The following SCAMP1 variants were observed in gnomAD, a reference collection of about 807,000 sequenced individuals.
SCAMP1 encodes the protein secretory carrier-associated membrane protein 1.
In SCAMP1, 15 loss-of-function variants were observed where a neutral mutation model predicts 41.8. The ratio of observed to expected loss-of-function variants is 0.36; its 90% confidence interval spans 0.24 to 0.55. SCAMP1 has a LOEUF of 0.55. SCAMP1 is among the 20% of genes least tolerant of loss of function. The probability of loss-of-function intolerance (pLI) is 0.86; values close to 1 mark genes in which losing one functional copy is unlikely to be tolerated. For missense variants in SCAMP1, 341 were observed against 412.6 expected (o/e 0.83, Z 1.50); for synonymous variants, 135 against 136.8 (o/e 0.99, Z 0.09).
At chr5:78,417,896 A>G (rs1048295163) in intron 4 of SCAMP1, among the ~76,000 whole-genome samples, 4 of 152,212 alleles carry the variant, frequency 2.6e-5, no homozygotes, top group Non-Finnish European at 5.9e-5. Flanking sequence ...CTTTCTATAA[A>G]AATTACCCTG....
Position 78,380,721 on chromosome 5 carries a change from T to C in SCAMP1, c.58-8116T>C, listed in dbSNP as rs376862681. The stretch of plus-strand genomic sequence containing the variant: ...ACAGAATATCACCAGGCATGTATGA[T>C]TAAGAAGAAAAAAAGATCACTGATC... On this transcript the variant is annotated intron_variant, in intron 1 of 8. Transcript: ENST00000621999. Among the ~76,000 whole-genome samples, 4 of 152,238 alleles carry C rather than the reference T, an allele frequency of 2.6e-5. No homozygotes were observed. The East Asian group carries it at 5.8e-4, about 22-fold the overall frequency.
At chr5:78,360,933 C>T (rs1363457548) in intron 1 of SCAMP1, 5 of 572,224 alleles carry the variant, frequency 8.7e-6, no homozygotes, top group African/African-American at 3.9e-5. Flanking sequence ...GGAACCTCCT[C>T]AGCTCGTGCC....
intron 8 of SCAMP1, among the ~76,000 whole-genome samples, chr5:78,460,079 A>T (rs368035973): frequency 2.0e-5 from 3 of 152,224 alleles, no homozygotes; most frequent in African/African-American, 7.2e-5. Flanking sequence ...GCTACGAAGG[A>T]CATAATTTCA....
chr5:78,436,504 T>C (rs568196571), intron 6 of SCAMP1, among the ~76,000 whole-genome samples: 2 of 152,356 alleles, frequency 1.3e-5, no homozygotes, highest in South Asian at 4.1e-4. Context: ...TTCTTGTTTT[T>C]GTCAGGTTTG....
At chr5:78,366,083 A>G (rs534262115) in intron 1 of SCAMP1, among the ~76,000 whole-genome samples, 7 of 151,242 alleles carry the variant, frequency 4.6e-5, no homozygotes, top group Admixed American at 2.0e-4. Flanking sequence ...CATTGATGGC[A>G]TCTTCTTTGT....
At chr5:78,409,422 T>TACACACACACACACAC (rs59969661) in intron 2 of SCAMP1, among the ~76,000 whole-genome samples, 1 of 148,802 alleles carries the variant, frequency 6.7e-6, no homozygotes, top group African/African-American at 2.5e-5. Flanking sequence ...CACATATAGA[T>TACACACACACACACAC]ACACACACAC....
At position 78,419,009 on chromosome 5, in the gene SCAMP1, T is replaced by C. The variant is rs1752274606; in HGVS notation, c.472+106T>C. ...ATAGCAAACCAGTCTTCTTTTTCTA[T>C]AGATAAAGCTTAATAATCATGATTT... is the stretch of plus-strand genomic sequence containing the variant. On this transcript the variant is annotated intron_variant, in intron 5 of 8. Coordinates refer to ENST00000621999, the MANE Select transcript of SCAMP1 (RefSeq NM_004866.6). 6 of 908,832 alleles carry C rather than the reference T, an allele frequency of 6.6e-6. No individual in the cohort carries two copies. The South Asian group carries it at 1.0e-4, about 15-fold the overall frequency. 56.3% of individuals were successfully genotyped at this position (908,832 alleles called of 1,614,324 possible).
chr5:78,413,828 C>T (rs1752142216), intron 2 of SCAMP1, among the ~76,000 whole-genome samples: 1 of 152,096 alleles, frequency 6.6e-6, no homozygotes, highest in African/African-American at 2.4e-5. Flanking sequence ...GAGTAAAATC[C>T]TGCTATATAT....
At chr5:78,435,289 G>C (rs1752720836) in intron 6 of SCAMP1, among the ~76,000 whole-genome samples, 1 of 152,118 alleles carries the variant, frequency 6.6e-6, no homozygotes, top group Admixed American at 6.6e-5. Context: ...ACAACGTGCA[G>C]GTTTGATACA....
rs571395851 is a variant in SCAMP1, at chr5:78,377,761, T to C, written c.58-11076T>C. Among the ~76,000 whole-genome samples the C allele has an allele frequency of 2.1e-4, 32 of 152,346 alleles. No homozygotes were observed. The South Asian group carries it at 6.2e-3, about 30-fold the overall frequency. On this transcript the variant is annotated intron_variant, in intron 1 of 8. Coordinates refer to ENST00000621999, the MANE Select transcript of SCAMP1 (RefSeq NM_004866.6). ...CTTAACTTACTGTTGGTGGTAATGA[T>C]GATAGCAGCCTCACCTGTCACTTAT...
intron 3 of SCAMP1, among the ~76,000 whole-genome samples, chr5:78,416,054 G>A (rs930874935): frequency 1.3e-5 from 2 of 152,124 alleles, no homozygotes; most frequent in African/African-American, 4.8e-5. Flanking sequence ...GAGTTATAAA[G>A]AATTTCTTAA....
At chr5:78,391,451 C>T (rs553007715) in intron 2 of SCAMP1, among the ~76,000 whole-genome samples, 3 of 150,544 alleles carry the variant, frequency 2.0e-5, no homozygotes, top group Non-Finnish European at 3.0e-5. Flanking sequence ...GCTGGCCTGG[C>T]GGGGGCTGAC....
intron 7 of SCAMP1, among the ~76,000 whole-genome samples, chr5:78,457,505 G>T (rs1231162142): frequency 6.6e-6 from 1 of 152,182 alleles, no homozygotes; most frequent in Non-Finnish European, 1.5e-5. Flanking sequence ...TCGGGGGTCA[G>T]GGGTCAGGGA....
intron 7 of SCAMP1, among the ~76,000 whole-genome samples, chr5:78,454,681 A>G (rs1365664563): frequency 1.3e-5 from 2 of 152,108 alleles, no homozygotes; most frequent in African/African-American, 2.4e-5. Context: ...TTGGTATCAG[A>G]ATGATGCTGG....
At chr5:78,460,198 G>GTGC (rs1467377385) in intron 8 of SCAMP1, among the ~76,000 whole-genome samples, 3 of 152,174 alleles carry the variant, frequency 2.0e-5, no homozygotes, top group Non-Finnish European at 4.4e-5. Context: ...ATTGTGACTA[G>GTGC]TGCTGCAATA....
chr5:78,400,693 A>C (rs538988532), intron 2 of SCAMP1, among the ~76,000 whole-genome samples: 2 of 152,134 alleles, frequency 1.3e-5, no homozygotes, highest in Admixed American at 1.3e-4. Flanking sequence ...TTGTATATTA[A>C]CTTTGTGTTG....
chr5:78,401,195 G>T (rs938084435), intron 2 of SCAMP1, among the ~76,000 whole-genome samples: 1 of 152,032 alleles, frequency 6.6e-6, no homozygotes, highest in Non-Finnish European at 1.5e-5. Context: ...AATCCCACTT[G>T]GTTTTGTATG....
intron 2 of SCAMP1, among the ~76,000 whole-genome samples, chr5:78,395,168 AT>A (rs1580661877): frequency 1.3e-5 from 2 of 152,158 alleles, no homozygotes; most frequent in East Asian, 3.9e-4. Flanking sequence ...TTTTATTTTA[AT>A]TTTTTTCGTA....
At chr5:78,470,200 A>G (rs1753853828) in intron 8 of SCAMP1, among the ~76,000 whole-genome samples, 3 of 152,160 alleles carry the variant, frequency 2.0e-5, no homozygotes, top group Admixed American at 2.0e-4. Context: ...AAACTTTGAC[A>G]TTTTAATTAC....
Sources: allele counts gnomAD v4.1 joint callset (sites outside exome capture counted in the v4.1 genomes callset), GRCh38; gene constraint gnomAD v4.1.1; transcripts MANE v1.5; gene names NCBI Gene and HGNC (gene_info 2026-07-23, HGNC 2026-07-21).